The following ZHX3 variants were observed in gnomAD, a reference collection of about 807,000 sequenced individuals.
ZHX3 encodes zinc fingers and homeoboxes 3.
A neutral mutation model predicts 64.5 loss-of-function variants in ZHX3; 20 were observed. That is an observed-to-expected ratio of 0.31 (90% CI 0.22 to 0.45). The LOEUF (loss-of-function observed/expected upper bound fraction) is 0.45, where lower values mean the gene tolerates loss of function less well. Ranked by LOEUF, ZHX3 falls within the 20% of genes least tolerant of loss-of-function variation. The pLI, the probability that ZHX3 is intolerant of heterozygous loss-of-function variation, is 1.00. For synonymous variants in ZHX3, 423 were observed against 461.6 expected (o/e 0.92, Z 1.07); for missense variants, 1,041 against 1,195.8 (o/e 0.87, Z 1.91).
At chr20:41,309,569 G>T (rs1327253172) in intron 1 of ZHX3, among the ~76,000 whole-genome samples, 1 of 152,096 alleles carries the variant, frequency 6.6e-6, no homozygotes, top group African/African-American at 2.4e-5. Flanking sequence ...GAAGTATAAT[G>T]AACCTGGGCC....
intron 2 of ZHX3, chr20:41,238,592 T>G (rs1297162847): frequency 6.6e-6 from 1 of 152,168 alleles, no homozygotes; most frequent in African/African-American, 2.4e-5. Flanking sequence ...ACCTACAAAT[T>G]CAGTATTTTT....
intron 2 of ZHX3, 132 bp downstream of exon 2, chr20:41,268,858 T>C (rs2042991130): frequency 6.6e-6 from 1 of 152,158 alleles, no homozygotes; most frequent in Non-Finnish European, 1.5e-5. Context: ...GAGGAGAAAA[T>C]AATGTTTAAT....
In ZHX3 at chr20:41,204,146, CAG is replaced by C; in HGVS notation, c.769_770del (p.Leu257AspfsTer59). The C allele has an allele frequency of 6.2e-7, 1 of 1,607,206 alleles. No homozygotes were observed. The highest frequency in any genetic ancestry group is 8.5e-7 in the Non-Finnish European group (1 of 1,176,620). ...CTGGCAAAACTGGCACTGTTCCTATCAGGGGCCCGTTGGCGGCATGGGGGTTT... is the reference window on the plus strand; with the variant it reads ...CTGGCAAAACTGGCACTGTTCCTATCGGGCCCGTTGGCGGCATGGGGGTTT... ...AKNPHAANGP[L>X]IGTVPVLPAG... On this transcript the variant is annotated frameshift_variant, in exon 3 of 4. Transcript: ENST00000683867. LOFTEE classifies it high-confidence loss of function. The surrounding 1 kb of genome is among the most constrained non-coding windows in gnomAD (Gnocchi z 6.6).
intron 2 of ZHX3, among the ~76,000 whole-genome samples, chr20:41,221,880 G>A (rs901124128): frequency 3.3e-5 from 5 of 152,234 alleles, no homozygotes; most frequent in Admixed American, 6.5e-5. Flanking sequence ...AGAGCTGGGC[G>A]GCGGTAGTAG....
intron 1 of ZHX3, chr20:41,272,395 T>C (rs2146637594): frequency 6.6e-6 from 1 of 152,326 alleles, no homozygotes; most frequent in East Asian, 1.9e-4. Flanking sequence ...CATTTTTAAA[T>C]GTACAATTCA....
At chr20:41,283,687 G>A (rs1449833311) in intron 1 of ZHX3, among the ~76,000 whole-genome samples, 1 of 152,116 alleles carries the variant, frequency 6.6e-6, no homozygotes, top group Admixed American at 6.5e-5. Flanking sequence ...AACCTGGGAG[G>A]CGGAGCTTGC....
At chr20:41,317,131 G>A (rs62208470) in intron 1 of ZHX3, 3,436 of 152,964 alleles carry the variant, frequency 0.022, 65 homozygotes, top group Non-Finnish European at 0.035. Context: ...ACGGTCAGGC[G>A]GGCCTGCGCG....
At chr20:41,197,884 AT>A (rs1679826623) in intron 3 of ZHX3, among the ~76,000 whole-genome samples, 1 of 152,058 alleles carries the variant, frequency 6.6e-6, no homozygotes, top group Non-Finnish European at 1.5e-5. Context: ...TAGATTTATA[AT>A]TTTTTAATGA....
chr20:41,246,145 G>A (rs1227457157), intron 2 of ZHX3, among the ~76,000 whole-genome samples: 2 of 152,200 alleles, frequency 1.3e-5, no homozygotes, highest in Admixed American at 1.3e-4. Context: ...TAGAATGAAT[G>A]CTGCATAAAG....
At chr20:41,286,539 T>C (rs1430071877) in intron 1 of ZHX3, among the ~76,000 whole-genome samples, 1 of 151,618 alleles carries the variant, frequency 6.6e-6, no homozygotes, top group African/African-American at 2.4e-5. Context: ...TCTTGGAATG[T>C]TGCTACTCTT....
At chr20:41,280,882 CTT>C (rs371666599) in intron 1 of ZHX3, among the ~76,000 whole-genome samples, 1 of 145,582 alleles carries the variant, frequency 6.9e-6, no homozygotes. Context: ...ATGTCTAACC[CTT>C]TTTTTTTTTA....
At chr20:41,285,066 G>A (rs1388121175) in intron 1 of ZHX3, among the ~76,000 whole-genome samples, 2 of 152,046 alleles carry the variant, frequency 1.3e-5, no homozygotes, top group Non-Finnish European at 2.9e-5. Context: ...AACTACCCTT[G>A]CATCTCCCCA....
chr20:41,231,299 G>A (rs1341843959), intron 2 of ZHX3, among the ~76,000 whole-genome samples: 1 of 152,094 alleles, frequency 6.6e-6, no homozygotes, highest in Non-Finnish European at 1.5e-5. Flanking sequence ...CTTGGCATGG[G>A]CAGTTTTTCT....
rs149277382 is a variant in ZHX3, at chr20:41,213,181, T to C, written c.-150-8115A>G. 2.0e-5 allele frequency among the ~76,000 whole-genome samples: 3 copies of C among 152,196 alleles called. No homozygotes were observed. The East Asian group carries it at 5.8e-4, about 29-fold the overall frequency. On this transcript the variant is annotated intron_variant, in intron 2 of 3. Coordinates refer to ENST00000683867, the MANE Select transcript of ZHX3 (RefSeq NM_001384317.1). ...TCCATAGAGGCAGATAGTAGATTAGTGGTTGCCAGGGACTGAGAGTAGGGG... is the reference window on the plus strand; with the variant it reads ...TCCATAGAGGCAGATAGTAGATTAGCGGTTGCCAGGGACTGAGAGTAGGGG...
chr20:41,181,509 G>C lies in ZHX3; in HGVS notation c.*3682C>G, dbSNP rs910931255. The C allele has an allele frequency of 1.2e-4, 19 of 152,138 alleles. No homozygotes were observed. Among genetic ancestry groups the C allele is most frequent in the African/African-American group, 4.6e-4 (19 of 41,404 alleles). The allele number at this position is 152,138 out of a possible 1,614,324, so 9.4% of individuals were successfully genotyped here. ...GGGGTGTGATATCTGAACTGAAAAA[G>C]CTGCACCAATCTGAGGATATTGGTC... On this transcript the variant is annotated 3_prime_UTR_variant, in exon 4 of 4. Transcript: ENST00000683867.
intron 2 of ZHX3, among the ~76,000 whole-genome samples, chr20:41,266,153 C>T (rs534002478): frequency 6.6e-6 from 1 of 152,128 alleles, no homozygotes; most frequent in Admixed American, 6.5e-5. Context: ...ATGGTATGTG[C>T]CTCTAAAAGT....
chr20:41,282,533 T>A (rs2043740623), intron 1 of ZHX3, among the ~76,000 whole-genome samples: 2 of 152,152 alleles, frequency 1.3e-5, no homozygotes, highest in Admixed American at 1.3e-4. Flanking sequence ...TAATTTTTTG[T>A]AATTTTAGTA....
In ZHX3 at chr20:41,202,311, C is replaced by A; in HGVS notation, c.2606G>T (p.Cys869Phe). The A allele has an allele frequency of 6.2e-7, 1 of 1,614,208 alleles. No individual in the cohort carries two copies. Among genetic ancestry groups the A allele is most frequent in the Non-Finnish European group, 8.5e-7 (1 of 1,180,030 alleles). ...CTGGGAGCTCATCTGGGTCTTGTCA[C>A]AGAGGTTCTGCAGGTCCTCTTCATA... ...MLYEEDLQNL[C>F]DKTQMSSQQV... The change falls in exon 3 of 4, where the codon TGT (cysteine) becomes TTT (phenylalanine). Residue 869 changes from cysteine (C) to phenylalanine (F), a missense_variant. Cys to Phe is a radical substitution (Grantham distance 205, BLOSUM62 -2). Coordinates refer to ENST00000683867, the MANE Select transcript of ZHX3 (RefSeq NM_001384317.1). This position sits in a 1 kb window ranked among gnomAD's most constrained non-coding sequence, Gnocchi z 7.0.
Position 41,303,009 on chromosome 20 carries a change from A to G in ZHX3, c.-245+14500T>C, listed in dbSNP as rs148428167. On this transcript the variant is annotated intron_variant, in intron 1 of 3. Transcript: ENST00000683867. ...TAGGATTAGGCATAGCCTGACGACC[A>G]TCTCCATTTCTGTATTACTTATCCT... is the stretch of plus-strand genomic sequence containing the variant. Among the ~76,000 whole-genome samples the G allele has an allele frequency of 3.9e-3, 586 of 150,848 alleles. 7 individuals carry two copies. The highest frequency in any genetic ancestry group is 0.013 in the African/African-American group (548 of 40,760).
Sources: gnomAD v4.1 joint callset for allele counts (sites outside exome capture counted in the v4.1 genomes callset) on GRCh38, gnomAD v4.1.1 for gene constraint, Gnocchi (gnomAD v3.1) non-coding constraint, MANE v1.5 for transcripts, NCBI Gene and HGNC (gene_info 2026-07-23, HGNC 2026-07-21) for gene names.